DPP10: variants seen among roughly 807,000 people sequenced by gnomAD.
DPP10 encodes dipeptidyl peptidase like 10.
A neutral mutation model predicts 120.9 loss-of-function variants in DPP10; 33 were observed. The observed-to-expected ratio is 0.27, with a 90% CI of 0.21 to 0.37. The LOEUF (loss-of-function observed/expected upper bound fraction) is 0.37, where lower values mean the gene tolerates loss of function less well. DPP10 is among the 10% of genes least tolerant of loss of function. The pLI, the probability that DPP10 is intolerant of heterozygous loss-of-function variation, is 1.00. For missense variants in DPP10, 816 were observed against 942.8 expected (o/e 0.87, Z 1.76); for synonymous variants, 337 against 326.1 (o/e 1.03, Z -0.36).
chr2:115,376,532 T>G (rs2065808990), intron 3 of DPP10, among the ~76,000 whole-genome samples: 1 of 138,988 alleles, frequency 7.2e-6, no homozygotes, highest in Admixed American at 7.2e-5. Context: ...AGTCCCTTTC[T>G]TTTTTTTTTT....
intron 1 of DPP10, among the ~76,000 whole-genome samples, chr2:114,706,410 G>A (rs1700687730): frequency 6.6e-6 from 1 of 152,134 alleles, no homozygotes; most frequent in Admixed American, 6.6e-5. Context: ...GTGTGAACAG[G>A]GTTGGTTTCT....
chr2:115,547,284 T>G (rs1406006007), intron 5 of DPP10, among the ~76,000 whole-genome samples: 2 of 152,232 alleles, frequency 1.3e-5, no homozygotes, highest in Non-Finnish European at 2.9e-5. Context: ...TTTAGAATGA[T>G]GCTTTTGCAG....
At chr2:115,474,754 CA>C in intron 3 of DPP10, among the ~76,000 whole-genome samples, 1 of 146,352 alleles carries the variant, frequency 6.8e-6, no homozygotes, top group Admixed American at 6.8e-5. Context: ...GCCCATTTAA[CA>C]GGGAGGAATT....
At chr2:114,518,562 C>G (rs1269786720) in intron 1 of DPP10, among the ~76,000 whole-genome samples, 1 of 152,110 alleles carries the variant, frequency 6.6e-6, no homozygotes. Flanking sequence ...GACTAAAATT[C>G]GTTCCAGGAT....
intron 1 of DPP10, among the ~76,000 whole-genome samples, chr2:114,608,715 A>C (rs943204325): frequency 6.6e-5 from 10 of 152,050 alleles, no homozygotes; most frequent in African/African-American, 2.2e-4. Context: ...AAAAAAAAAA[A>C]CAGTGAAATC....
intron 1 of DPP10, among the ~76,000 whole-genome samples, chr2:114,749,544 A>G (rs17043476): frequency 9.7e-6 from 1 of 102,938 alleles, no homozygotes; most frequent in African/African-American, 3.6e-5. Flanking sequence ...TTATTCTAGC[A>G]CTGCTTTTAT....
chr2:115,247,665 C>T (rs544400735), intron 1 of DPP10, among the ~76,000 whole-genome samples: 1 of 152,074 alleles, frequency 6.6e-6, no homozygotes, highest in South Asian at 2.1e-4. Context: ...GAGTACTTTT[C>T]AGTGGAGTGG....
intron 1 of DPP10, among the ~76,000 whole-genome samples, chr2:114,710,213 G>A (rs1700937860): frequency 6.6e-6 from 1 of 152,184 alleles, no homozygotes; most frequent in African/African-American, 2.4e-5. Context: ...TAATTCAAGT[G>A]CTTATTTTCT....
intron 21 of DPP10, among the ~76,000 whole-genome samples, chr2:115,833,480 G>A (rs146328978): frequency 1.1e-4 from 17 of 152,156 alleles, no homozygotes; most frequent in Non-Finnish European, 2.4e-4. Context: ...CTCCCTCTAG[G>A]GACAACACTT....
chr2:115,050,891 C>G (rs539715031), intron 1 of DPP10, among the ~76,000 whole-genome samples: 8 of 152,324 alleles, frequency 5.3e-5, no homozygotes, highest in Admixed American at 2.0e-4. Flanking sequence ...TAGCTGACTA[C>G]TAACCTCACA....
intron 5 of DPP10, among the ~76,000 whole-genome samples, chr2:115,536,711 AATTAT>A (rs1438445650): frequency 6.6e-6 from 1 of 151,996 alleles, no homozygotes; most frequent in Non-Finnish European, 1.5e-5. Flanking sequence ...TAAACAACAA[AATTAT>A]TTATGGATAG....
At chr2:115,497,991 G>A (rs1432539138) in intron 3 of DPP10, among the ~76,000 whole-genome samples, 5 of 151,932 alleles carry the variant, frequency 3.3e-5, no homozygotes, top group African/African-American at 4.8e-5. Context: ...GATAAAAGAA[G>A]TTCAGAAGGT....
intron 1 of DPP10, among the ~76,000 whole-genome samples, chr2:115,300,140 G>C (rs1162740662): frequency 1.3e-5 from 2 of 151,974 alleles, no homozygotes; most frequent in Non-Finnish European, 2.9e-5. Context: ...TTGCGTTGCT[G>C]TGCAACCATC....
intron 1 of DPP10, among the ~76,000 whole-genome samples, chr2:114,576,970 G>C (rs1351713765): frequency 6.6e-6 from 1 of 152,002 alleles, no homozygotes; most frequent in African/African-American, 2.4e-5. Flanking sequence ...ATAGTTAATG[G>C]GTACGGCATG....
At chr2:115,060,149 A>C (rs558541718) in intron 1 of DPP10, among the ~76,000 whole-genome samples, 1 of 151,256 alleles carries the variant, frequency 6.6e-6, no homozygotes, top group African/African-American at 2.4e-5. Context: ...TAGTTAACAC[A>C]CCATATAAAT....
At chr2:115,603,569 T>TTTC (rs397687641) in intron 5 of DPP10, among the ~76,000 whole-genome samples, 1 of 36,474 alleles carries the variant, frequency 2.7e-5, no homozygotes, top group Non-Finnish European at 4.2e-5. Flanking sequence ...TGTTTTTTTT[T>TTTC]GTTTTTTTTT....
chr2:115,464,290 C>G (rs551863444), intron 3 of DPP10, among the ~76,000 whole-genome samples: 1 of 152,166 alleles, frequency 6.6e-6, no homozygotes, highest in African/African-American at 2.4e-5. Context: ...ATGAATCAAT[C>G]TGACAGTTTG....
At chr2:114,650,335 C>G (rs1449821062) in intron 1 of DPP10, among the ~76,000 whole-genome samples, 2 of 152,174 alleles carry the variant, frequency 1.3e-5, no homozygotes, top group Non-Finnish European at 2.9e-5. Flanking sequence ...ATGCCTGAAG[C>G]ATCCAAACCC....
At chr2:114,910,454 G>A (rs1268092294) in intron 1 of DPP10, among the ~76,000 whole-genome samples, 2 of 151,898 alleles carry the variant, frequency 1.3e-5, no homozygotes, top group Admixed American at 1.3e-4. Flanking sequence ...AATTTTAATA[G>A]TGGCCTAATA....
Sources: gnomAD v4.1 joint callset for allele counts (sites outside exome capture counted in the v4.1 genomes callset) on GRCh38, gnomAD v4.1.1 for gene constraint, MANE v1.5 for transcripts, NCBI Gene and HGNC (gene_info 2026-07-23, HGNC 2026-07-21) for gene names.